Variants in ANKS1B observed in about 807,000 individuals in gnomAD.
The protein encoded by ANKS1B is ankyrin repeat and sterile alpha motif domain containing 1B.
Under a neutral mutation model 148.3 loss-of-function variants are expected in ANKS1B, and 36 were observed. The ratio of observed to expected loss-of-function variants is 0.24; its 90% CI spans 0.19 to 0.32. The LOEUF (loss-of-function observed/expected upper bound fraction) is 0.32. ANKS1B is among the 10% of genes least tolerant of loss of function. The pLI is 1.00. For missense variants in ANKS1B, 1,157 were observed against 1,542.6 expected, an observed-to-expected ratio of 0.75 and a Z score of 4.19; for synonymous variants, 542 against 560.8, an observed-to-expected ratio of 0.97 and a Z score of 0.47.
intron 17 of ANKS1B, among the ~76,000 whole-genome samples, chr12:98,857,540 TG>T (rs1172815313): frequency 6.6e-6 from 1 of 151,532 alleles, no homozygotes; most frequent in African/African-American, 2.4e-5. Flanking sequence ...GGGTGTTACT[TG>T]GATAAGTCTA....
intron 10 of ANKS1B, among the ~76,000 whole-genome samples, chr12:99,494,651 T>C (rs1595859655): frequency 7.3e-6 from 1 of 136,312 alleles, no homozygotes; most frequent in South Asian, 2.3e-4. Context: ...GAGGATGGGG[T>C]GAACCTGGGA....
intron 19 of ANKS1B, 107 bp from the exon 20 acceptor site, chr12:98,808,025 A>G (rs2099064298): frequency 2.3e-6 from 2 of 866,120 alleles, no homozygotes; most frequent in African/African-American, 1.7e-5. Flanking sequence ...GCAAAGAATC[A>G]CATTTAAAAA....
intron 9 of ANKS1B, among the ~76,000 whole-genome samples, chr12:99,610,808 CAG>C (rs1292485781): frequency 6.6e-6 from 1 of 151,974 alleles, no homozygotes; most frequent in Non-Finnish European, 1.5e-5. Context: ...TGAATGAAAA[CAG>C]AAATTTTTGT....
At position 98,899,528 on chromosome 12, in the gene ANKS1B, T is replaced by C. The variant is rs145990809; in HGVS notation, c.2779-67392A>G. ...ATTATCTTAGATAATGTCATTCAAC[T>C]AGTTGAAAGTCCTTAAGAGCGGCTT... On this transcript the variant is annotated intron_variant, in intron 17 of 26. Transcript: ENST00000683438. 5.0e-3 allele frequency among the ~76,000 whole-genome samples: 768 copies of C among 152,300 alleles called. 12 individuals carry two copies. Among genetic ancestry groups the C allele is most frequent in the Middle Eastern group, 0.044 (13 of 294 alleles).
intron 1 of ANKS1B, among the ~76,000 whole-genome samples, chr12:99,946,699 G>A (rs143071865): frequency 2.6e-5 from 4 of 152,230 alleles, no homozygotes; most frequent in Middle Eastern, 3.4e-3. Context: ...CTAACAGAAT[G>A]AGCTGGAATT....
At chr12:99,467,063 C>T (rs1386184049) in intron 10 of ANKS1B, among the ~76,000 whole-genome samples, 1 of 152,146 alleles carries the variant, frequency 6.6e-6, no homozygotes, top group Non-Finnish European at 1.5e-5. Flanking sequence ...AAACCTAATC[C>T]AGCAGCACAT....
chr12:99,793,312 A>C (rs894620866), intron 4 of ANKS1B, among the ~76,000 whole-genome samples: 9 of 152,062 alleles, frequency 5.9e-5, no homozygotes, highest in Non-Finnish European at 1.2e-4. Flanking sequence ...TACCAATGAC[A>C]TTTTTCACAG....
chr12:98,782,021 T>C, intron 23 of ANKS1B, 105 bp downstream of exon 23: 1 of 988,026 alleles, frequency 1.0e-6, no homozygotes, highest in East Asian at 2.6e-5. Flanking sequence ...TATGTGCCTT[T>C]CCTGTTTAGC....
intron 1 of ANKS1B, among the ~76,000 whole-genome samples, chr12:99,952,500 C>A (rs2095245220): frequency 6.6e-6 from 1 of 152,174 alleles, no homozygotes; most frequent in African/African-American, 2.4e-5. Flanking sequence ...AATATCTTCT[C>A]TTATTACTCT....
At chr12:99,808,242 T>C (rs1490133421) in intron 3 of ANKS1B, among the ~76,000 whole-genome samples, 1 of 151,918 alleles carries the variant, frequency 6.6e-6, no homozygotes, top group Non-Finnish European at 1.5e-5. Flanking sequence ...CCCAAACAAA[T>C]CTTAATGTTC....
intron 10 of ANKS1B, among the ~76,000 whole-genome samples, chr12:99,499,522 G>C (rs1252171570): frequency 6.6e-6 from 1 of 152,154 alleles, no homozygotes; most frequent in Non-Finnish European, 1.5e-5. Flanking sequence ...GGGGAGGCAA[G>C]AATTAAATTC....
At chr12:99,347,378 C>T (rs1355415413) in intron 12 of ANKS1B, among the ~76,000 whole-genome samples, 2 of 152,052 alleles carry the variant, frequency 1.3e-5, no homozygotes, top group Middle Eastern at 6.8e-3. Flanking sequence ...ATGCGCAGAA[C>T]AGGCCACATG....
chr12:99,782,004 C>A lies in ANKS1B; in HGVS notation c.745+18G>T, dbSNP rs2064384332. 1.1e-5 allele frequency: 18 copies of A among 1,580,544 alleles called. No homozygotes were observed. The highest frequency in any genetic ancestry group is 1.8e-5 in the Admixed American group (1 of 55,204). ...GTTATCTGTCAGGATAAGCTCCATG[C>A]AGAATCACAATAGTTACCTGTTTCT... On this transcript the variant is annotated intron_variant, in intron 5 of 26. Coordinates refer to ENST00000683438, the MANE Select transcript of ANKS1B (RefSeq NM_001352186.2).
rs114595988 is a variant in ANKS1B, at chr12:99,843,135, T to C, written c.135-17746A>G. Among the ~76,000 whole-genome samples the C allele has an allele frequency of 7.8e-3, 1,182 of 152,236 alleles. 15 individuals carry two copies. The highest frequency in any genetic ancestry group is 0.027 in the African/African-American group (1,113 of 41,546). On this transcript the variant is annotated intron_variant, in intron 1 of 26. Coordinates refer to ENST00000683438, the MANE Select transcript of ANKS1B (RefSeq NM_001352186.2). ...CGTGCAGGCTTGTTACACAGGGAAA[T>C]GTGTTCCTACATCATTTCTGTCATT... is the stretch of plus-strand genomic sequence containing the variant.
At chr12:99,178,917 C>A (rs1013636901) in intron 14 of ANKS1B, among the ~76,000 whole-genome samples, 1 of 152,118 alleles carries the variant, frequency 6.6e-6, no homozygotes, top group Admixed American at 6.5e-5. Flanking sequence ...CCCTAATGAA[C>A]TATCAATGAC....
At chr12:99,094,245 T>C (rs899573928) in intron 15 of ANKS1B, among the ~76,000 whole-genome samples, 1 of 152,200 alleles carries the variant, frequency 6.6e-6, no homozygotes, top group African/African-American at 2.4e-5. Context: ...AATAAAAAAA[T>C]AGATAAATAA....
intron 15 of ANKS1B, among the ~76,000 whole-genome samples, chr12:99,126,494 T>C (rs896255706): frequency 6.6e-6 from 1 of 151,792 alleles, no homozygotes; most frequent in African/African-American, 2.4e-5. Context: ...AATAATAGAG[T>C]CTCCCCCTCC....
intron 8 of ANKS1B, among the ~76,000 whole-genome samples, chr12:99,731,418 G>C (rs891254031): frequency 0.02 from 1,037 of 52,366 alleles, 12 homozygotes; most frequent in East Asian, 0.055. Context: ...CGTGCCGTGT[G>C]TGTGTGTGTG....
intron 9 of ANKS1B, among the ~76,000 whole-genome samples, chr12:99,632,202 T>C (rs2098168007): frequency 6.6e-6 from 1 of 152,094 alleles, no homozygotes; most frequent in Admixed American, 6.6e-5. Context: ...GTACAAGTCA[T>C]AAACTATAGC....
Sources: allele counts gnomAD v4.1 joint callset (sites outside exome capture counted in the v4.1 genomes callset), GRCh38; gene constraint gnomAD v4.1.1; transcripts MANE v1.5; gene names NCBI Gene and HGNC (gene_info 2026-07-23, HGNC 2026-07-21).